Variants in MRTFA observed in about 807,000 individuals in gnomAD.
MRTFA encodes myocardin related transcription factor A, also known as myocardin-related transcription factor A.
Under a neutral mutation model 83.5 loss-of-function variants are expected in MRTFA, and 20 were observed. The observed-to-expected ratio is 0.24, with a 90% CI of 0.17 to 0.35. MRTFA has a LOEUF of 0.35. MRTFA is among the 10% of genes least tolerant of loss of function. MRTFA has a pLI of 1.00. For missense variants in MRTFA, 1,200 were observed against 1,224.7 expected, an observed-to-expected ratio of 0.98 and a Z score of 0.30; for synonymous variants, 659 against 541.2, an observed-to-expected ratio of 1.22 and a Z score of -3.02.
Position 40,574,905 on chromosome 22 carries a change from TG to T in MRTFA, c.-22+19768del, listed in dbSNP as rs151042554. ...ATGAATACTGATGAACGACTACAGTTGTGAACTTGTGATAACCAAAAGTGAA... is the reference window on the plus strand; with the variant it reads ...ATGAATACTGATGAACGACTACAGTTTGAACTTGTGATAACCAAAAGTGAA... On this transcript the variant is annotated intron_variant, in intron 2 of 14. Transcript: ENST00000355630. 1.4e-3 allele frequency among the ~76,000 whole-genome samples: 209 copies of T among 152,292 alleles called. 8 individuals are homozygous for T. The East Asian group carries it at 0.033, about 24-fold the overall frequency.
chr22:40,606,588 T>C (rs780017781), intron 1 of MRTFA, among the ~76,000 whole-genome samples: 8 of 152,194 alleles, frequency 5.3e-5, no homozygotes, highest in Non-Finnish European at 1.2e-4. Context: ...AAGATCTAAA[T>C]TATAGAAATT....
intron 4 of MRTFA, among the ~76,000 whole-genome samples, chr22:40,456,761 A>C (rs2053592822): frequency 6.6e-6 from 1 of 152,160 alleles, no homozygotes; most frequent in Non-Finnish European, 1.5e-5. Context: ...CATTACTGTT[A>C]CTGTATCGGC....
intron 3 of MRTFA, among the ~76,000 whole-genome samples, chr22:40,477,175 CAAAAAAAAA>C (rs55932110): frequency 0.049 from 2,931 of 59,688 alleles, 59 homozygotes; most frequent in African/African-American, 0.13. Context: ...ACTAAAAATA[CAAAAAAAAA>C]AAAAAAAAAA....
chr22:40,526,984 G>A (rs1376327321), intron 3 of MRTFA, among the ~76,000 whole-genome samples: 1 of 151,826 alleles, frequency 6.6e-6, no homozygotes, highest in African/African-American at 2.4e-5. Context: ...AAAAATACTG[G>A]GGTGCAGCGG....
At chr22:40,524,795 A>AT (rs1444195866) in intron 3 of MRTFA, among the ~76,000 whole-genome samples, 1 of 152,076 alleles carries the variant, frequency 6.6e-6, no homozygotes, top group Non-Finnish European at 1.5e-5. Context: ...AGCTTTATTT[A>AT]TTTTTGTGCG....
At chr22:40,634,953 G>A (rs2056678619) in intron 1 of MRTFA, among the ~76,000 whole-genome samples, 1 of 152,136 alleles carries the variant, frequency 6.6e-6, no homozygotes, top group Non-Finnish European at 1.5e-5. Context: ...GTGACTTTTG[G>A]AAGCCTTCTT....
At chr22:40,465,275 T>C (rs538420672) in intron 3 of MRTFA, among the ~76,000 whole-genome samples, 2 of 152,352 alleles carry the variant, frequency 1.3e-5, no homozygotes, top group South Asian at 2.1e-4. Flanking sequence ...TACTGATATA[T>C]GTCCCCCATA....
In MRTFA at chr22:40,614,139, T is replaced by C. The variant is rs139249688; in HGVS notation, c.-83-19404A>G. Among the ~76,000 whole-genome samples, 1,113 of 151,594 alleles carry C rather than the reference T, an allele frequency of 7.3e-3. 25 individuals are homozygous for C. In the Middle Eastern group the frequency reaches 0.075, roughly 10 times the overall value. ...ATCACTAGAATCTAGGCGGCAGAGG[T>C]TGCAGTAAGCCGGGATCACACCATT... On this transcript the variant is annotated intron_variant, in intron 1 of 14. Transcript: ENST00000355630.
At chr22:40,454,954 T>C (rs2053556710) in intron 4 of MRTFA, among the ~76,000 whole-genome samples, 1 of 152,140 alleles carries the variant, frequency 6.6e-6, no homozygotes, top group Admixed American at 6.5e-5. Context: ...GCATGTGATA[T>C]CATGCCTGGC....
At chr22:40,602,959 C>A (rs931876934) in intron 1 of MRTFA, among the ~76,000 whole-genome samples, 1 of 152,158 alleles carries the variant, frequency 6.6e-6, no homozygotes, top group African/African-American at 2.4e-5. Context: ...TCACTCAGTG[C>A]CAATCTCTAA....
At chr22:40,523,968 A>G (rs757000157) in intron 3 of MRTFA, among the ~76,000 whole-genome samples, 1 of 152,218 alleles carries the variant, frequency 6.6e-6, no homozygotes, top group Non-Finnish European at 1.5e-5. Context: ...TCAAGATCCT[A>G]TTTGCAAGGA....
At chr22:40,567,721 A>G (rs573973990) in intron 2 of MRTFA, among the ~76,000 whole-genome samples, 24 of 152,340 alleles carry the variant, frequency 1.6e-4, no homozygotes, top group South Asian at 1.2e-3. Flanking sequence ...TTGGAATGAA[A>G]AACTTGTTGA....
At chr22:40,484,812 C>T (rs953172700) in intron 3 of MRTFA, among the ~76,000 whole-genome samples, 11 of 151,864 alleles carry the variant, frequency 7.2e-5, no homozygotes, top group Non-Finnish European at 1.2e-4. Context: ...GTGGCTCACA[C>T]CTGTAATCCC....
chr22:40,425,171 G>C (rs1278402449), intron 7 of MRTFA, among the ~76,000 whole-genome samples: 1 of 152,276 alleles, frequency 6.6e-6, no homozygotes, highest in Admixed American at 6.5e-5. Flanking sequence ...TGGAAGCAGA[G>C]GCAGGGGAGG....
At chr22:40,513,602 C>CAAAAAAAAAAAA (rs111580647) in intron 3 of MRTFA, among the ~76,000 whole-genome samples, 1 of 65,882 alleles carries the variant, frequency 1.5e-5, no homozygotes, top group Non-Finnish European at 3.0e-5. Flanking sequence ...GACTCCATCT[C>CAAAAAAAAAAAA]AAAAAAAAAA....
intron 4 of MRTFA, among the ~76,000 whole-genome samples, chr22:40,457,470 GA>G (rs1602273781): frequency 1.4e-5 from 2 of 146,040 alleles, no homozygotes; most frequent in Non-Finnish European, 3.0e-5. Flanking sequence ...AAGAAAGAAA[GA>G]AAGAAAGAAA....
At chr22:40,487,055 C>T (rs981850456) in intron 3 of MRTFA, among the ~76,000 whole-genome samples, 2 of 152,096 alleles carry the variant, frequency 1.3e-5, no homozygotes, top group Non-Finnish European at 2.9e-5. Context: ...AGAGTGTAAA[C>T]TTCATATATA....
At chr22:40,426,715 C>T (rs1277905278) in intron 7 of MRTFA, among the ~76,000 whole-genome samples, 4 of 152,148 alleles carry the variant, frequency 2.6e-5, no homozygotes, top group African/African-American at 7.2e-5. Context: ...CCCTGGCCAC[C>T]AACACCTGTT....
In MRTFA at chr22:40,420,912, C is replaced by T. The variant is rs1169633287; in HGVS notation, c.1116G>A (p.Leu372=). Residue 372 remains leucine, a synonymous_variant, in exon 10 of 15, where the codon CTG becomes CTA. Coordinates refer to ENST00000355630, the MANE Select transcript of MRTFA (RefSeq NM_020831.6). Reference sequence around the variant, plus strand: ...GCTGCTGCTGCTGGTTGAGGATCTGCAGCTGGAGGAAGAGCTGCTGCTGCT... The same window carrying T: ...GCTGCTGCTGCTGGTTGAGGATCTGTAGCTGGAGGAAGAGCTGCTGCTGCT... 2 of 1,614,178 alleles carry T rather than the reference C, an allele frequency of 1.2e-6. No homozygotes were observed. Among genetic ancestry groups the T allele is most frequent in the Admixed American group, 3.3e-5 (2 of 60,024 alleles).
Sources: allele counts gnomAD v4.1 joint callset (sites outside exome capture counted in the v4.1 genomes callset), GRCh38; gene constraint gnomAD v4.1.1; transcripts MANE v1.5; gene names NCBI Gene and HGNC (gene_info 2026-07-23, HGNC 2026-07-21).